Variants in RBFOX1 observed in about 807,000 individuals in gnomAD.
RBFOX1 encodes the protein RNA binding protein fox-1 homolog 1.
In RBFOX1, 8 loss-of-function variants were observed where a neutral mutation model predicts 57.7. The observed-to-expected ratio is 0.14, with a 90% confidence interval of 0.08 to 0.25. The LOEUF (loss-of-function observed/expected upper bound fraction) is 0.25, where lower values mean the gene tolerates loss of function less well. RBFOX1 is among the 10% of genes least tolerant of loss of function. The probability of loss-of-function intolerance (pLI) is 1.00; values close to 1 mark genes in which losing one functional copy is unlikely to be tolerated. For synonymous variants in RBFOX1, 326 were observed against 222.4 expected (o/e 1.47, Z -4.15); for missense variants, 611 against 548.5 (o/e 1.11, Z -1.14).
intron 1 of RBFOX1, among the ~76,000 whole-genome samples, chr16:6,304,935 G>A (rs11641750): frequency 0.53 from 77,432 of 146,642 alleles, 23,510 homozygotes; most frequent in Non-Finnish European, 0.66. Flanking sequence ...TTGTAAACCT[G>A]TTGCACAATT....
At chr16:5,532,809 A>G (rs1473142171) in intron 2 of RBFOX1, among the ~76,000 whole-genome samples, 1 of 152,142 alleles carries the variant, frequency 6.6e-6, no homozygotes, top group Non-Finnish European at 1.5e-5. Flanking sequence ...TGTGAGGCAG[A>G]GAGAAATAGC....
chr16:7,494,516 G>T (rs909020896), intron 4 of RBFOX1, among the ~76,000 whole-genome samples: 1 of 152,074 alleles, frequency 6.6e-6, no homozygotes, highest in South Asian at 2.1e-4. Flanking sequence ...AAGTCACTTC[G>T]CTTAAATAAC....
At chr16:6,256,547 G>A (rs1369260967) in intron 1 of RBFOX1, among the ~76,000 whole-genome samples, 2 of 151,734 alleles carry the variant, frequency 1.3e-5, no homozygotes, top group African/African-American at 2.4e-5. Flanking sequence ...GACATTGGTT[G>A]CAGTTGTGAA....
At chr16:7,571,747 A>T (rs2092798140) in intron 5 of RBFOX1, among the ~76,000 whole-genome samples, 1 of 152,150 alleles carries the variant, frequency 6.6e-6, no homozygotes, top group African/African-American at 2.4e-5. Flanking sequence ...TCTTGGGGTT[A>T]ATGGACTTCC....
At chr16:7,144,417 C>CTTCTTTTTTTTTTTTTTTTTTTTTTT (rs3046798) in intron 4 of RBFOX1, among the ~76,000 whole-genome samples, 8 of 66,922 alleles carry the variant, frequency 1.2e-4, no homozygotes, top group African/African-American at 1.8e-4. Flanking sequence ...TTTCTTTCTT[C>CTTCTTTTTTTTTTTTTTTTTTTTTTT]TTTTTTTTTT....
intron 3 of RBFOX1, among the ~76,000 whole-genome samples, chr16:5,758,921 A>G (rs1013523287): frequency 1.3e-5 from 2 of 152,008 alleles, no homozygotes; most frequent in South Asian, 2.1e-4. Context: ...CCTCTTGTGT[A>G]TATGCGAAAG....
At chr16:5,569,162 G>A (rs1413141087) in intron 2 of RBFOX1, among the ~76,000 whole-genome samples, 1 of 152,012 alleles carries the variant, frequency 6.6e-6, no homozygotes, top group Non-Finnish European at 1.5e-5. Context: ...CATTGGTTCT[G>A]TATGTGTCTT....
chr16:5,494,802 A>G lies in RBFOX1; in HGVS notation c.258+27548A>G, dbSNP rs116443070. ...CTGGGCATCTGGGGTGGATCAACTA[A>G]GGGACCCTCAGAGATGAAAATGATC... On this transcript the variant is annotated intron_variant, in intron 2 of 2. Coordinates refer to the RBFOX1 transcript ENST00000585867. Among the ~76,000 whole-genome samples the G allele has an allele frequency of 4.8e-3, 730 of 152,320 alleles. 3 individuals are homozygous for G. The highest frequency in any genetic ancestry group is 0.017 in the African/African-American group (687 of 41,568).
At chr16:7,424,261 T>C (rs2098582814) in intron 4 of RBFOX1, among the ~76,000 whole-genome samples, 1 of 142,670 alleles carries the variant, frequency 7.0e-6, no homozygotes, top group Non-Finnish European at 1.6e-5. Flanking sequence ...TGAATATATA[T>C]ATATACATAT....
intron 2 of RBFOX1, among the ~76,000 whole-genome samples, chr16:6,329,292 C>T (rs2082732314): frequency 6.6e-6 from 1 of 152,184 alleles, no homozygotes; most frequent in South Asian, 2.1e-4. Flanking sequence ...TCATTTCATC[C>T]TTATAATGAC....
downstream of RBFOX1, among the ~76,000 whole-genome samples, chr16:5,603,811 A>G (rs79714713): frequency 0.037 from 5,663 of 152,276 alleles, 250 homozygotes; most frequent in African/African-American, 0.11. Context: ...ACTTGCAGGT[A>G]CATGTTTCCT....
At chr16:6,155,082 T>C (rs888492948) in intron 1 of RBFOX1, among the ~76,000 whole-genome samples, 4 of 152,240 alleles carry the variant, frequency 2.6e-5, no homozygotes, top group African/African-American at 9.6e-5. Flanking sequence ...TTAATTCTGT[T>C]CTGGAACTTC....
intron 3 of RBFOX1, among the ~76,000 whole-genome samples, chr16:6,727,116 G>GTA (rs1223639232): frequency 2.3e-5 from 1 of 42,922 alleles, no homozygotes; most frequent in African/African-American, 4.6e-5. Flanking sequence ...AAATATATGT[G>GTA]TGTGTGTGTA....
intron 4 of RBFOX1, among the ~76,000 whole-genome samples, chr16:7,214,013 G>A (rs1287092714): frequency 6.6e-6 from 1 of 151,896 alleles, no homozygotes; most frequent in Non-Finnish European, 1.5e-5. Flanking sequence ...AGGTGGGAAG[G>A]AATTTGACCT....
intron 1 of RBFOX1, among the ~76,000 whole-genome samples, chr16:6,270,984 T>A (rs1428443590): frequency 6.6e-6 from 1 of 152,106 alleles, no homozygotes; most frequent in Admixed American, 6.5e-5. Flanking sequence ...AATAAATAAG[T>A]GTATTGGGCA....
At chr16:6,434,466 T>C (rs2094181451) in intron 2 of RBFOX1, among the ~76,000 whole-genome samples, 1 of 152,200 alleles carries the variant, frequency 6.6e-6, no homozygotes, top group South Asian at 2.1e-4. Context: ...TCTCCCTTAG[T>C]CTTGAGCTGA....
intron 5 of RBFOX1, among the ~76,000 whole-genome samples, chr16:7,552,577 G>A (rs909859381): frequency 2.6e-5 from 4 of 152,104 alleles, no homozygotes; most frequent in Admixed American, 6.5e-5. Flanking sequence ...TAATATGTGC[G>A]GCAGAAGCAA....
chr16:5,935,992 C>G (rs935326492), intron 4 of RBFOX1, among the ~76,000 whole-genome samples: 11 of 152,088 alleles, frequency 7.2e-5, no homozygotes, highest in African/African-American at 2.7e-4. Context: ...CCACTGTATT[C>G]CATTTTGAAG....
chr16:7,543,783 C>T (rs1266092997), intron 5 of RBFOX1, among the ~76,000 whole-genome samples: 4 of 151,676 alleles, frequency 2.6e-5, no homozygotes, highest in Non-Finnish European at 2.9e-5. Flanking sequence ...TGCAGTGGCA[C>T]GATCTTGGCT....
Sources: allele counts gnomAD v4.1 joint callset (sites outside exome capture counted in the v4.1 genomes callset), GRCh38; gene constraint gnomAD v4.1.1; transcripts MANE v1.5; gene names NCBI Gene and HGNC (gene_info 2026-07-23, HGNC 2026-07-21).